The following SEPTIN9 variants were observed in gnomAD, a reference collection of about 807,000 sequenced individuals.
SEPTIN9 encodes septin-9.
In SEPTIN9, 13 loss-of-function variants were observed where a neutral mutation model predicts 56.6. That is an observed-to-expected ratio of 0.23 (90% CI 0.15 to 0.37). The LOEUF (loss-of-function observed/expected upper bound fraction) is 0.37, where lower values mean the gene tolerates loss of function less well. Among genes scored for constraint, SEPTIN9 ranks in the 10% least tolerant of loss-of-function variants. The probability of loss-of-function intolerance (pLI) is 1.00; values close to 1 mark genes in which losing one functional copy is unlikely to be tolerated. For synonymous variants in SEPTIN9, 332 were observed against 334.1 expected (o/e 0.99, Z 0.07); for missense variants, 650 against 823.1 (o/e 0.79, Z 2.57).
intron 1 of SEPTIN9, among the ~76,000 whole-genome samples, chr17:77,301,096 C>A (rs1450295484): frequency 7.8e-6 from 1 of 128,018 alleles, no homozygotes; most frequent in Non-Finnish European, 1.7e-5. Flanking sequence ...TAGGCTCAAA[C>A]CGCCCCCACC....
chr17:77,394,850 C>T (rs1054844986), intron 2 of SEPTIN9, among the ~76,000 whole-genome samples: 5 of 152,322 alleles, frequency 3.3e-5, no homozygotes, highest in East Asian at 1.9e-4. Flanking sequence ...GCTCCTGTTT[C>T]GACCCCGCCA....
intron 2 of SEPTIN9, chr17:77,320,112 A>G: frequency 6.9e-7 from 1 of 1,453,252 alleles, no homozygotes; most frequent in Non-Finnish European, 9.1e-7. Context: ...TTCAGTTTGG[A>G]GCACAAACAT....
intron 2 of SEPTIN9, among the ~76,000 whole-genome samples, chr17:77,393,549 G>T (rs779104988): frequency 6.6e-6 from 1 of 152,040 alleles, no homozygotes; most frequent in Non-Finnish European, 1.5e-5. Context: ...CACCCCTGCC[G>T]CGTGCCATGC....
chr17:77,324,037 C>T (rs1015289183), intron 2 of SEPTIN9, among the ~76,000 whole-genome samples: 6 of 152,250 alleles, frequency 3.9e-5, no homozygotes, highest in African/African-American at 1.4e-4. Context: ...GCCTGCTTCT[C>T]GCCTCTGGCA....
At chr17:77,497,398 G>A (rs369196871) in intron 11 of SEPTIN9, 32 bp downstream of exon 11, 90 of 1,602,054 alleles carry the variant, frequency 5.6e-5, no homozygotes, top group Non-Finnish European at 7.2e-5. Flanking sequence ...TGGGGCTGAC[G>A]GCTTCACCCC....
At position 77,366,171 on chromosome 17, in the gene SEPTIN9, T is replaced by C. The variant is rs2034565703; in HGVS notation, c.77-35888T>C. 4.6e-5 allele frequency among the ~76,000 whole-genome samples: 7 copies of C among 152,272 alleles called. No individual in the cohort carries two copies. In the South Asian group the frequency reaches 1.5e-3, roughly 32 times the overall value. On this transcript the variant is annotated intron_variant, in intron 2 of 11. Transcript: ENST00000427177. ...GTGCCAGGCTGGCCACTCCTTCTTG[T>C]CCCCTAGTGTGACTTTGCAGAGCTC...
chr17:77,356,948 A>C (rs2034274144), intron 2 of SEPTIN9, among the ~76,000 whole-genome samples: 1 of 151,290 alleles, frequency 6.6e-6, no homozygotes, highest in Non-Finnish European at 1.5e-5. Flanking sequence ...TAGTGGCCTT[A>C]TTTATGACTC....
At chr17:77,431,334 C>A (rs312899) in intron 3 of SEPTIN9, among the ~76,000 whole-genome samples, 11,406 of 152,188 alleles carry the variant, frequency 0.075, 1,335 homozygotes, top group African/African-American at 0.25. Context: ...AAACAAAAAA[C>A]CAACGTTTAT....
At chr17:77,390,345 TTAAAA>T (rs2035490985) in intron 2 of SEPTIN9, among the ~76,000 whole-genome samples, 1 of 40,024 alleles carries the variant, frequency 2.5e-5, no homozygotes, top group African/African-American at 1.7e-4. Flanking sequence ...AGACTCCGTC[TTAAAA>T]AAAAAAAAAA....
chr17:77,358,803 G>A (rs2034331936), intron 2 of SEPTIN9, among the ~76,000 whole-genome samples: 1 of 152,192 alleles, frequency 6.6e-6, no homozygotes, highest in Non-Finnish European at 1.5e-5. Context: ...CCCCTGCCCT[G>A]CCAGACAGGT....
chr17:77,426,704 T>A (rs1291000802), intron 3 of SEPTIN9, among the ~76,000 whole-genome samples: 2 of 152,296 alleles, frequency 1.3e-5, no homozygotes, highest in East Asian at 3.9e-4. Flanking sequence ...TCACCCGCAG[T>A]TAAAACAGCC....
rs2035463584 is a variant in SEPTIN9 at position 77,389,692 on chromosome 17, A to T, written c.77-12367A>T. ...ACCCTTCTGCTGCCTTCCACCAGGG[A>T]CGGAGGGTGGGCGGCCCTCCCACCC... On this transcript the variant is annotated intron_variant, in intron 2 of 11. Transcript: ENST00000427177. The surrounding 1 kb of genome is among the most constrained non-coding windows in gnomAD (Gnocchi z 4.3). Among the ~76,000 whole-genome samples the T allele has an allele frequency of 6.6e-6, 1 of 151,410 alleles. No individual in the cohort carries two copies. Among genetic ancestry groups the T allele is most frequent in the South Asian group, 2.1e-4 (1 of 4,768 alleles).
At chr17:77,395,227 G>T (rs1323007367) in intron 2 of SEPTIN9, among the ~76,000 whole-genome samples, 1 of 151,872 alleles carries the variant, frequency 6.6e-6, no homozygotes, top group Non-Finnish European at 1.5e-5. Flanking sequence ...ACCAAGGTGT[G>T]TTTTTTAAGA....
In SEPTIN9 at chr17:77,375,215, C is replaced by G. The variant is rs568077640; in HGVS notation, c.77-26844C>G. Reference sequence around the variant, plus strand: ...TGCGACCGCTCCTCCAGGGGCCTTCCTTGTCCCAAATGTCCAAGTGGCACG... The same window carrying G: ...TGCGACCGCTCCTCCAGGGGCCTTCGTTGTCCCAAATGTCCAAGTGGCACG... On this transcript the variant is annotated intron_variant, in intron 2 of 11. Transcript: ENST00000427177. The G allele has an allele frequency of 2.0e-5, 3 of 152,590 alleles. No individual in the cohort carries two copies. In the East Asian group the frequency reaches 5.8e-4, roughly 29 times the overall value. 9.5% of individuals were successfully genotyped at this position (152,590 alleles called of 1,614,324 possible).
rs907516746 is a variant in SEPTIN9 at position 77,371,987 on chromosome 17, C to T, written c.77-30072C>T. Among the ~76,000 whole-genome samples, 3 of 152,166 alleles carry T rather than the reference C, an allele frequency of 2.0e-5. No homozygotes were observed. Among genetic ancestry groups the T allele is most frequent in the Admixed American group, 6.5e-5 (1 of 15,276 alleles). On this transcript the variant is annotated intron_variant, in intron 2 of 11. Transcript: ENST00000427177. This position sits in a 1 kb window ranked among gnomAD's most constrained non-coding sequence, Gnocchi z 4.1. Reference sequence around the variant, plus strand: ...TGGCTGGAGAGTCTCAGCACTCCTGCACATTTGGGATATTTCAGAGGGGGT... The same window carrying T: ...TGGCTGGAGAGTCTCAGCACTCCTGTACATTTGGGATATTTCAGAGGGGGT...
At position 77,358,279 on chromosome 17, in the gene SEPTIN9, G is replaced by A. The variant is rs562480834; in HGVS notation, c.77-43780G>A. 1.6e-3 allele frequency among the ~76,000 whole-genome samples: 242 copies of A among 152,290 alleles called. 3 individuals are homozygous for A. Among genetic ancestry groups the A allele is most frequent in the Middle Eastern group, 3.4e-3 (1 of 294 alleles). On this transcript the variant is annotated intron_variant, in intron 2 of 11. Transcript: ENST00000427177. The stretch of plus-strand genomic sequence containing the variant: ...TTACTTGCTGTTCCTTCTGCCTCAT[G>A]TTTGTGTTTGTCCCCTCTGAAGCTC...
chr17:77,327,180 C>T lies in SEPTIN9; in HGVS notation c.76+19983C>T, dbSNP rs553326844. ...TGGCAATGCCTCCCTCTCCTGGGCT[C>T]CTGGGACCCCTCCGGCCCCACCACC... On this transcript the variant is annotated intron_variant, in intron 2 of 11. Coordinates refer to ENST00000427177, the MANE Select transcript of SEPTIN9 (RefSeq NM_001113491.2). This position sits in a 1 kb window ranked among gnomAD's most constrained non-coding sequence, Gnocchi z 5.0. Among the ~76,000 whole-genome samples the T allele has an allele frequency of 6.6e-6, 1 of 152,094 alleles. No individual in the cohort carries two copies. Among genetic ancestry groups the T allele is most frequent in the Non-Finnish European group, 1.5e-5 (1 of 67,990 alleles).
chr17:77,490,574 C>T (rs2039981498), intron 7 of SEPTIN9, among the ~76,000 whole-genome samples, 168 bp from the exon 8 acceptor site: 1 of 152,194 alleles, frequency 6.6e-6, no homozygotes, highest in African/African-American at 2.4e-5. Flanking sequence ...CCTTCCTCTG[C>T]CCCACACTCA....
chr17:77,478,803 T>TAAA (rs528548050), intron 3 of SEPTIN9, among the ~76,000 whole-genome samples: 18 of 102,680 alleles, frequency 1.8e-4, no homozygotes, highest in African/African-American at 5.0e-4. Flanking sequence ...AAACTCTGTC[T>TAAA]AAAAAAAAAA....
Sources: allele counts gnomAD v4.1 joint callset (sites outside exome capture counted in the v4.1 genomes callset), GRCh38; gene constraint gnomAD v4.1.1; non-coding constraint Gnocchi (gnomAD v3.1); transcripts MANE v1.5; gene names NCBI Gene and HGNC (gene_info 2026-07-23, HGNC 2026-07-21).